Variants in FHIP1A observed in about 807,000 individuals in gnomAD.
The protein encoded by FHIP1A is FHF complex subunit HOOK-interacting protein 1A.
FHIP1A carries 61 observed loss-of-function variants against 88.6 expected under a neutral mutation model. The ratio of observed to expected loss-of-function variants is 0.69; its 90% CI spans 0.56 to 0.85. FHIP1A has a LOEUF of 0.85. Ranked by LOEUF, FHIP1A falls within the 40% of genes least tolerant of loss-of-function variation. The pLI, the probability that FHIP1A is intolerant of heterozygous loss-of-function variation, is 0.00. For missense variants in FHIP1A, 1,154 were observed against 1,273.5 expected, an observed-to-expected ratio of 0.91 and a Z score of 1.43; for synonymous variants, 478 against 496.0, an observed-to-expected ratio of 0.96 and a Z score of 0.48.
At chr4:151,414,391 C>CTA (rs1415837492) in intron 1 of FHIP1A, among the ~76,000 whole-genome samples, 1 of 152,156 alleles carries the variant, frequency 6.6e-6, no homozygotes. Flanking sequence ...GGTTACTGGA[C>CTA]TATAGATTCA....
intron 3 of FHIP1A, among the ~76,000 whole-genome samples, chr4:151,512,761 A>G (rs1428934013): frequency 3.3e-5 from 5 of 152,172 alleles, no homozygotes; most frequent in African/African-American, 1.2e-4. Flanking sequence ...AAAAAAGAAT[A>G]AAAAGAAATG....
At chr4:151,647,017 G>A (rs192783862) in intron 10 of FHIP1A, among the ~76,000 whole-genome samples, 7 of 152,244 alleles carry the variant, frequency 4.6e-5, no homozygotes, top group East Asian at 1.9e-4. Context: ...ATGTGAAAAC[G>A]TGTGCTAGCA....
intron 1 of FHIP1A, among the ~76,000 whole-genome samples, chr4:151,418,641 T>G: frequency 6.6e-6 from 1 of 152,192 alleles, no homozygotes; most frequent in East Asian, 1.9e-4. Context: ...TTGACTTGGT[T>G]GTCTTGGGTA....
At chr4:151,607,930 A>G (rs999104899) in intron 7 of FHIP1A, among the ~76,000 whole-genome samples, 11 of 149,384 alleles carry the variant, frequency 7.4e-5, no homozygotes, top group African/African-American at 2.5e-4. Context: ...TAGTGTTTTG[A>G]TTTTAGATAA....
chr4:151,565,190 A>C (rs563060495), intron 3 of FHIP1A, among the ~76,000 whole-genome samples: 33 of 152,282 alleles, frequency 2.2e-4, no homozygotes, highest in African/African-American at 7.9e-4. Flanking sequence ...TACACGAAAA[A>C]AAATAATATT....
chr4:151,655,050 T>C (rs971965373), intron 11 of FHIP1A, among the ~76,000 whole-genome samples: 1 of 152,180 alleles, frequency 6.6e-6, no homozygotes, highest in Non-Finnish European at 1.5e-5. Context: ...TTGCAAAGGG[T>C]TTTACTCTCT....
At position 151,656,193 on chromosome 4, in the gene FHIP1A, G is replaced by A. The variant is rs1390330225; in HGVS notation, c.2552-39G>A. The A allele has an allele frequency of 9.8e-6, 15 of 1,524,402 alleles. No homozygotes were observed. Among genetic ancestry groups the A allele is most frequent in the Non-Finnish European group, 1.3e-5 (15 of 1,123,900 alleles). 94.4% of individuals were successfully genotyped at this position (1,524,402 alleles called of 1,614,324 possible). A position where few individuals can be genotyped will look rare whatever the true frequency, so the allele number is the denominator to read the frequency against. Reference sequence around the variant, plus strand: ...AATTGTCAGGGAAAGGCATCCCTGTGAGCCCAGCCAGCCCTGAAGCCTTGT... The same window carrying A: ...AATTGTCAGGGAAAGGCATCCCTGTAAGCCCAGCCAGCCCTGAAGCCTTGT... On this transcript the variant is annotated intron_variant, in intron 11 of 13. Transcript: ENST00000435205. This position sits in a 1 kb window ranked among gnomAD's most constrained non-coding sequence, Gnocchi z 4.2.
chr4:151,643,700 G>C (rs760412174), intron 9 of FHIP1A, among the ~76,000 whole-genome samples: 18 of 151,940 alleles, frequency 1.2e-4, no homozygotes, highest in Admixed American at 2.6e-4. Flanking sequence ...TTGTCTTTTT[G>C]TGCCTGGCTT....
chr4:151,617,352 G>A (rs1010319783), intron 7 of FHIP1A, among the ~76,000 whole-genome samples: 2 of 151,746 alleles, frequency 1.3e-5, no homozygotes, highest in Admixed American at 6.6e-5. Flanking sequence ...ATGTCACTCC[G>A]ATCACTAAGA....
intron 1 of FHIP1A, among the ~76,000 whole-genome samples, chr4:151,428,389 A>G (rs1309462461): frequency 6.6e-6 from 1 of 152,158 alleles, no homozygotes; most frequent in Non-Finnish European, 1.5e-5. Context: ...CTAAGTAAAT[A>G]ATGAAACTGA....
intron 1 of FHIP1A, among the ~76,000 whole-genome samples, chr4:151,450,638 A>G (rs1269333455): frequency 2.0e-5 from 3 of 152,184 alleles, no homozygotes; most frequent in Admixed American, 1.3e-4. Flanking sequence ...TGATAGGCCA[A>G]TTTGCTCTCC....
intron 4 of FHIP1A, among the ~76,000 whole-genome samples, chr4:151,569,572 T>A (rs1733519459): frequency 6.6e-6 from 1 of 151,140 alleles, no homozygotes. Context: ...AAGGAAAAAA[T>A]GAAGGCAACA....
In FHIP1A at chr4:151,629,881, G is replaced by A. The variant is rs752345899; in HGVS notation, c.1146+12G>A. 7.8e-6 allele frequency: 12 copies of A among 1,547,942 alleles called. No individual in the cohort carries two copies. Among genetic ancestry groups the A allele is most frequent in the East Asian group, 4.9e-5 (2 of 40,832 alleles). ...ACACCCCGTTTCGGGTAAGGAGAGC[G>A]CCAGAGGAAGGGAACTTACAACTCA... On this transcript the variant is annotated intron_variant, in intron 8 of 13. Transcript: ENST00000435205.
In FHIP1A at chr4:151,638,657, G is replaced by A. The variant is rs1452799450; in HGVS notation, c.1147-20G>A. 1 of 1,476,666 alleles carries A rather than the reference G, an allele frequency of 6.8e-7. No homozygotes were observed. Among genetic ancestry groups the A allele is most frequent in the East Asian group, 2.5e-5 (1 of 40,318 alleles). 91.5% of individuals were successfully genotyped at this position (1,476,666 alleles called of 1,614,324 possible). A position where few individuals can be genotyped will look rare whatever the true frequency, so the allele number is the denominator to read the frequency against. On this transcript the variant is annotated intron_variant, in intron 8 of 13. Transcript: ENST00000435205. ...ATCGTTCCAACATCTGAACTAGAAT[G>A]TGTGTCTCTTGCTTCCCAGCTTTGT...
At chr4:151,525,408 C>T (rs1731593678) in intron 3 of FHIP1A, among the ~76,000 whole-genome samples, 1 of 152,186 alleles carries the variant, frequency 6.6e-6, no homozygotes. Context: ...CGGATTGACT[C>T]AGCCCATTTT....
intron 1 of FHIP1A, among the ~76,000 whole-genome samples, chr4:151,417,663 G>A (rs1732945984): frequency 6.6e-6 from 1 of 152,098 alleles, no homozygotes; most frequent in Non-Finnish European, 1.5e-5. Context: ...ATCAGCCTTA[G>A]GTTCCCTGCC....
chr4:151,554,226 GC>G (rs1307228869), intron 3 of FHIP1A, among the ~76,000 whole-genome samples: 2 of 152,152 alleles, frequency 1.3e-5, no homozygotes, highest in African/African-American at 4.8e-5. Context: ...CAGAGTAAGT[GC>G]CCAATAAACA....
intron 8 of FHIP1A, among the ~76,000 whole-genome samples, chr4:151,636,011 A>AAAG (rs1666645337): frequency 6.6e-6 from 1 of 151,972 alleles, no homozygotes; most frequent in South Asian, 2.1e-4. Flanking sequence ...AAAACTAAAC[A>AAAG]AAGACACCAC....
At chr4:151,562,984 C>T (rs1456187649) in intron 3 of FHIP1A, among the ~76,000 whole-genome samples, 1 of 151,874 alleles carries the variant, frequency 6.6e-6, no homozygotes, top group Non-Finnish European at 1.5e-5. Context: ...CTTTTTGCAT[C>T]GTCAAATAAA....
Sources: allele counts gnomAD v4.1 joint callset (sites outside exome capture counted in the v4.1 genomes callset), GRCh38; gene constraint gnomAD v4.1.1; non-coding constraint Gnocchi (gnomAD v3.1); transcripts MANE v1.5; gene names NCBI Gene and HGNC (gene_info 2026-07-23, HGNC 2026-07-21).